Variants in RALYL observed in about 807,000 individuals in gnomAD.
RALYL encodes RNA-binding Raly-like protein.
RALYL carries 29 observed loss-of-function variants against 35.1 expected under a neutral mutation model. The ratio of observed to expected loss-of-function variants is 0.83; its 90% CI spans 0.61 to 1.13. RALYL has a LOEUF of 1.13. RALYL is among the 50% of genes most tolerant of loss of function. RALYL has a pLI of 0.00. For synonymous variants in RALYL, 120 were observed against 127.6 expected, an observed-to-expected ratio of 0.94 and a Z score of 0.40; for missense variants, 359 against 360.4, an observed-to-expected ratio of 1.00 and a Z score of 0.03.
At chr8:84,638,436 G>A (rs1350446994) in intron 2 of RALYL, among the ~76,000 whole-genome samples, 2 of 151,084 alleles carry the variant, frequency 1.3e-5, no homozygotes, top group East Asian at 2.0e-4. Flanking sequence ...CAAACCCAGT[G>A]GAAGAAAAGA....
chr8:84,555,305 A>G (rs1366260228), intron 2 of RALYL, among the ~76,000 whole-genome samples: 1 of 151,938 alleles, frequency 6.6e-6, no homozygotes, highest in South Asian at 2.1e-4. Flanking sequence ...ACACACACAC[A>G]CATATATATG....
chr8:84,769,391 A>G (rs529664134), intron 2 of RALYL, among the ~76,000 whole-genome samples: 1 of 152,236 alleles, frequency 6.6e-6, no homozygotes, highest in Admixed American at 6.5e-5. Context: ...CACACCCAAT[A>G]ATCCACCCAC....
intron 3 of RALYL, among the ~76,000 whole-genome samples, chr8:84,777,212 C>T (rs1418717376): frequency 3.3e-5 from 5 of 152,110 alleles, no homozygotes; most frequent in East Asian, 1.9e-4. Flanking sequence ...GAAATGTGCT[C>T]GGTTTTCAGC....
chr8:84,607,718 G>A (rs912663363), intron 2 of RALYL, among the ~76,000 whole-genome samples: 1 of 152,040 alleles, frequency 6.6e-6, no homozygotes. Flanking sequence ...TCCTCTATCT[G>A]TATGTCCACT....
In RALYL at chr8:84,308,162, GA is replaced by G. The variant is rs200606936; in HGVS notation, c.-24+123747del. On this transcript the variant is annotated intron_variant, in intron 1 of 8. Transcript: ENST00000521268. The stretch of plus-strand genomic sequence containing the variant: ...AGGGAACCAACAAAGATTCTACACG[GA>G]AAAAAAAAGGAACATAAAAGACAAA... Among the ~76,000 whole-genome samples the G allele has an allele frequency of 8.1e-3, 1,195 of 147,178 alleles. 18 individuals are homozygous for G. The highest frequency in any genetic ancestry group is 0.027 in the African/African-American group (1,084 of 40,180).
chr8:84,701,864 C>G (rs985829128), intron 2 of RALYL, among the ~76,000 whole-genome samples: 1 of 152,176 alleles, frequency 6.6e-6, no homozygotes, highest in Non-Finnish European at 1.5e-5. Flanking sequence ...GGGGTGTCAT[C>G]TCCTGTTTCC....
intron 2 of RALYL, among the ~76,000 whole-genome samples, chr8:84,714,816 A>C (rs982721773): frequency 3.9e-5 from 6 of 151,972 alleles, no homozygotes; most frequent in Admixed American, 6.6e-5. Flanking sequence ...AGGTGGGTAT[A>C]ATAAGCCATT....
At chr8:84,246,745 C>T (rs1177551274) in intron 1 of RALYL, among the ~76,000 whole-genome samples, 2 of 152,070 alleles carry the variant, frequency 1.3e-5, no homozygotes, top group African/African-American at 2.4e-5. Context: ...GAGGCTGTTG[C>T]CACAGTCCAG....
At chr8:84,810,945 G>A (rs1825764812) in intron 4 of RALYL, among the ~76,000 whole-genome samples, 1 of 152,056 alleles carries the variant, frequency 6.6e-6, no homozygotes, top group African/African-American at 2.4e-5. Context: ...TATCCATTCT[G>A]CAGTTCTGTA....
intron 1 of RALYL, among the ~76,000 whole-genome samples, chr8:84,418,222 T>A (rs890278808): frequency 1.3e-5 from 2 of 152,162 alleles, no homozygotes; most frequent in African/African-American, 4.8e-5. Flanking sequence ...GTGACTCTGA[T>A]AGTTACTGAT....
In RALYL at chr8:84,213,955, A is replaced by AAC. The variant is rs1820169190; in HGVS notation, c.-24+29532_-24+29533insCA. Among the ~76,000 whole-genome samples the AAC allele has an allele frequency of 3.9e-5, 6 of 152,316 alleles. No individual in the cohort carries two copies. In the South Asian group the frequency reaches 1.0e-3, roughly 26 times the overall value. The stretch of plus-strand genomic sequence containing the variant: ...CATTGATATTATTGGAATTTGAATG[A>AAC]AGAAAATGTGAACAGAGTTTAAGGA... On this transcript the variant is annotated intron_variant, in intron 1 of 8. Transcript: ENST00000521268.
intron 2 of RALYL, among the ~76,000 whole-genome samples, chr8:84,604,529 T>G (rs1360776812): frequency 6.6e-6 from 1 of 152,170 alleles, no homozygotes; most frequent in Non-Finnish European, 1.5e-5. Flanking sequence ...TGGGCTGTAC[T>G]TTGCTGCAAG....
intron 1 of RALYL, among the ~76,000 whole-genome samples, chr8:84,372,895 T>TTTTTGTTTTG (rs1856127351): frequency 5.6e-5 from 7 of 125,946 alleles, no homozygotes; most frequent in Non-Finnish European, 8.4e-5. Context: ...TGTTTTTTTT[T>TTTTTGTTTTG]TTTTTTTTTT....
intron 2 of RALYL, among the ~76,000 whole-genome samples, chr8:84,556,417 G>C (rs186165052): frequency 2.6e-5 from 4 of 152,190 alleles, no homozygotes; most frequent in Admixed American, 2.6e-4. Context: ...CAAACAGCTA[G>C]TAAGTGTCAG....
chr8:84,440,399 G>A (rs185437629), intron 1 of RALYL, among the ~76,000 whole-genome samples: 35 of 152,144 alleles, frequency 2.3e-4, no homozygotes, highest in African/African-American at 7.9e-4. Flanking sequence ...AACTTCAGTG[G>A]CTTCTGCAAA....
chr8:84,261,249 C>T (rs1261646602), intron 1 of RALYL, among the ~76,000 whole-genome samples: 7 of 152,036 alleles, frequency 4.6e-5, no homozygotes, highest in Non-Finnish European at 1.0e-4. Flanking sequence ...TTTACCACTT[C>T]TTATCAATAT....
At chr8:84,221,398 G>A (rs547562913) in intron 1 of RALYL, among the ~76,000 whole-genome samples, 2 of 152,080 alleles carry the variant, frequency 1.3e-5, no homozygotes, top group South Asian at 4.1e-4. Flanking sequence ...CAGAACTGGA[G>A]GTGACAGGAT....
At chr8:84,505,255 C>A (rs980632183) in intron 1 of RALYL, among the ~76,000 whole-genome samples, 5 of 152,144 alleles carry the variant, frequency 3.3e-5, no homozygotes, top group African/African-American at 1.2e-4. Flanking sequence ...ATTCCAGAAA[C>A]ATTTTCCTTA....
At chr8:84,458,567 C>T (rs930890544) in intron 1 of RALYL, among the ~76,000 whole-genome samples, 9 of 151,608 alleles carry the variant, frequency 5.9e-5, no homozygotes, top group African/African-American at 2.4e-5. Context: ...CATTATCTTT[C>T]CTTTCTTTCT....
Sources: allele counts gnomAD v4.1 joint callset (sites outside exome capture counted in the v4.1 genomes callset), GRCh38; gene constraint gnomAD v4.1.1; transcripts MANE v1.5; gene names NCBI Gene and HGNC (gene_info 2026-07-23, HGNC 2026-07-21).